Variants in UPP2 observed in about 807,000 individuals in gnomAD.
UPP2 encodes the protein uridine phosphorylase 2, also known as UPase 2.
UPP2 carries 23 observed loss-of-function variants against 26.7 expected under a neutral mutation model. That is an observed-to-expected ratio of 0.86 (90% CI 0.62 to 1.22). UPP2 has a LOEUF of 1.22. UPP2 is among the 50% of genes most tolerant of loss of function. The pLI is 0.00. For synonymous variants in UPP2, 127 were observed against 141.3 expected, an observed-to-expected ratio of 0.90 and a Z score of 0.72; for missense variants, 387 against 396.7, an observed-to-expected ratio of 0.98 and a Z score of 0.21.
intron 3 of UPP2, among the ~76,000 whole-genome samples, chr2:158,037,049 C>G (rs976663578): frequency 6.6e-6 from 1 of 152,100 alleles, no homozygotes; most frequent in African/African-American, 2.4e-5. Flanking sequence ...AGAGGGCTAA[C>G]CAGGCTCTGA....
At chr2:158,080,726 A>G (rs1440041283) in intron 3 of UPP2, among the ~76,000 whole-genome samples, 1 of 152,210 alleles carries the variant, frequency 6.6e-6, no homozygotes, top group African/African-American at 2.4e-5. Context: ...TTTACCAAAA[A>G]GCCAGCCTCT....
chr2:158,002,209 G>C (rs1241591187), intron 2 of UPP2, among the ~76,000 whole-genome samples: 2 of 152,136 alleles, frequency 1.3e-5, no homozygotes, highest in African/African-American at 4.8e-5. Flanking sequence ...GAAATATACA[G>C]ACAGATAAAA....
chr2:158,027,519 C>T (rs983616109), intron 3 of UPP2, among the ~76,000 whole-genome samples: 7 of 152,220 alleles, frequency 4.6e-5, no homozygotes, highest in Admixed American at 3.9e-4. Context: ...TACAGCCTCC[C>T]TCCTGACTGC....
At chr2:158,043,536 G>A (rs1270644704) in intron 3 of UPP2, among the ~76,000 whole-genome samples, 1 of 152,194 alleles carries the variant, frequency 6.6e-6, no homozygotes, top group Non-Finnish European at 1.5e-5. Context: ...AAGAGAGGAA[G>A]TGCAGCACTC....
intron 2 of UPP2, among the ~76,000 whole-genome samples, chr2:158,000,423 C>T (rs1483650800): frequency 1.3e-5 from 2 of 152,174 alleles, no homozygotes; most frequent in African/African-American, 4.8e-5. Flanking sequence ...TACTGGAAAA[C>T]TGAAGGATAA....
rs1047333185 is a variant in UPP2 at position 158,019,635 on chromosome 2, T to C, written c.147+3749T>C. ...CCAAAGTGGAAGGAAATACAATCCTTTAAAACACACACACACACACACACA... is the reference window on the plus strand; with the variant it reads ...CCAAAGTGGAAGGAAATACAATCCTCTAAAACACACACACACACACACACA... On this transcript the variant is annotated intron_variant, in intron 3 of 9. Coordinates refer to the UPP2 transcript ENST00000605860. Among the ~76,000 whole-genome samples, 5 of 113,426 alleles carry C rather than the reference T, an allele frequency of 4.4e-5. No homozygotes were observed. In the East Asian group the frequency reaches 1.0e-3, roughly 23 times the overall value. The allele number at this position is 113,426 out of a possible 152,430, so 74.4% of individuals were successfully genotyped here.
intron 3 of UPP2, among the ~76,000 whole-genome samples, chr2:158,051,611 T>C (rs1373169025): frequency 6.6e-6 from 1 of 151,908 alleles, no homozygotes; most frequent in East Asian, 1.9e-4. Flanking sequence ...CAAAACCCCA[T>C]CTCTACTAAA....
intron 6 of UPP2, among the ~76,000 whole-genome samples, chr2:158,129,760 T>G (rs1422000537): frequency 1.4e-5 from 2 of 144,616 alleles, no homozygotes; most frequent in East Asian, 2.1e-4. Context: ...GATAGGAAGG[T>G]TTTTTTTTGT....
intron 3 of UPP2, among the ~76,000 whole-genome samples, chr2:158,076,795 A>G (rs1456929446): frequency 6.6e-6 from 1 of 152,118 alleles, no homozygotes; most frequent in Admixed American, 6.6e-5. Flanking sequence ...CTGTTATTCA[A>G]CATAGTACTA....
intron 3 of UPP2, among the ~76,000 whole-genome samples, chr2:158,068,509 T>C (rs1406698882): frequency 6.6e-6 from 1 of 151,486 alleles, no homozygotes; most frequent in Non-Finnish European, 1.5e-5. Context: ...TAAAGGAAAG[T>C]TTATGTATTA....
intron 3 of UPP2, among the ~76,000 whole-genome samples, chr2:158,026,229 C>A (rs1574251467): frequency 6.6e-6 from 1 of 152,230 alleles, no homozygotes; most frequent in East Asian, 1.9e-4. Context: ...CTTATCCTCG[C>A]AGAGCAGCAT....
rs944373713 is a variant in UPP2 at position 158,023,496 on chromosome 2, T to C, written c.147+7610T>C. Among the ~76,000 whole-genome samples the C allele has an allele frequency of 7.9e-5, 12 of 152,232 alleles. No individual in the cohort carries two copies. In the East Asian group the frequency reaches 2.1e-3, roughly 27 times the overall value. ...ATGTTAGAATTGGAAAGAAGCTAAG[T>C]GATGGTTATCTGGCTACTTCCATTT... On this transcript the variant is annotated intron_variant, in intron 3 of 9. Transcript: ENST00000605860.
chr2:158,054,398 T>TA (rs1294288586), intron 3 of UPP2, among the ~76,000 whole-genome samples: 2 of 151,722 alleles, frequency 1.3e-5, no homozygotes, highest in Non-Finnish European at 2.9e-5. Flanking sequence ...TTTTTTTTTT[T>TA]TTAAATCCTT....
intron 3 of UPP2, among the ~76,000 whole-genome samples, chr2:158,092,783 G>T (rs1026103398): frequency 3.3e-5 from 5 of 152,180 alleles, no homozygotes; most frequent in African/African-American, 1.2e-4. Flanking sequence ...GTTCCAAGTT[G>T]CTTGTGTTAT....
At chr2:158,015,749 T>C (rs1164528460) in intron 2 of UPP2, 4 of 452,198 alleles carry the variant, frequency 8.8e-6, no homozygotes, top group African/African-American at 2.0e-5. Context: ...TGAAAGTGTG[T>C]GGCACTTACC....
At chr2:158,035,372 G>T (rs1337469945) in intron 3 of UPP2, among the ~76,000 whole-genome samples, 1 of 152,070 alleles carries the variant, frequency 6.6e-6, no homozygotes, top group Non-Finnish European at 1.5e-5. Flanking sequence ...GGTCAGGCTG[G>T]TCTCGAACTC....
chr2:158,129,394 G>A (rs1038629233), intron 6 of UPP2, among the ~76,000 whole-genome samples: 1 of 152,062 alleles, frequency 6.6e-6, no homozygotes, highest in African/African-American at 2.4e-5. Context: ...GTTTTTGAAC[G>A]AACCAAATCA....
intron 6 of UPP2, among the ~76,000 whole-genome samples, chr2:158,127,460 A>C (rs1172771765): frequency 6.6e-6 from 1 of 150,712 alleles, no homozygotes; most frequent in African/African-American, 2.5e-5. Context: ...GAGTGAGTGA[A>C]TGAAAAAAAA....
At chr2:158,082,770 G>A (rs1438363239) in intron 3 of UPP2, among the ~76,000 whole-genome samples, 1 of 151,306 alleles carries the variant, frequency 6.6e-6, no homozygotes, top group Admixed American at 6.6e-5. Flanking sequence ...GAGTGAACAG[G>A]CAACCTACAG....
Sources: allele counts gnomAD v4.1 joint callset (sites outside exome capture counted in the v4.1 genomes callset), GRCh38; gene constraint gnomAD v4.1.1; transcripts MANE v1.5; gene names NCBI Gene and HGNC (gene_info 2026-07-23, HGNC 2026-07-21).